Variants in CTNNA3 observed in about 807,000 individuals in gnomAD.
CTNNA3 encodes catenin alpha-3.
Under a neutral mutation model 95.7 loss-of-function variants are expected in CTNNA3, and 76 were observed. That is an observed-to-expected ratio of 0.79 (90% CI 0.66 to 0.96). CTNNA3 has a LOEUF of 0.96. Ranked by LOEUF, CTNNA3 falls within the 40% of genes least tolerant of loss-of-function variation. CTNNA3 has a pLI of 0.00. For synonymous variants in CTNNA3, 431 were observed against 374.4 expected (o/e 1.15, Z -1.74); for missense variants, 1,191 against 1,089.8 (o/e 1.09, Z -1.31).
At chr10:66,447,282 T>C (rs2093429848) in intron 11 of CTNNA3, among the ~76,000 whole-genome samples, 1 of 152,094 alleles carries the variant, frequency 6.6e-6, no homozygotes, top group South Asian at 2.1e-4. Flanking sequence ...GCCATCCTCA[T>C]CAAGCTACCA....
At chr10:66,808,962 T>G (rs1345487314) in intron 7 of CTNNA3, among the ~76,000 whole-genome samples, 1 of 152,212 alleles carries the variant, frequency 6.6e-6, no homozygotes, top group East Asian at 1.9e-4. Flanking sequence ...GAAACCAAAT[T>G]ATTTCTTGCA....
intron 4 of CTNNA3, among the ~76,000 whole-genome samples, chr10:67,522,676 A>T (rs1589386696): frequency 6.6e-6 from 1 of 151,402 alleles, no homozygotes; most frequent in African/African-American, 2.4e-5. Context: ...TTTAAATCAG[A>T]TACTAGATAA....
At chr10:67,327,460 C>T (rs887860591) in intron 5 of CTNNA3, among the ~76,000 whole-genome samples, 4 of 152,128 alleles carry the variant, frequency 2.6e-5, no homozygotes, top group Non-Finnish European at 4.4e-5. Flanking sequence ...GTGAATTCAG[C>T]TAACTGCCTT....
In CTNNA3 at chr10:66,093,915, T is replaced by C. The variant is rs74140952; in HGVS notation, c.1977+9242A>G. Among the ~76,000 whole-genome samples, 256 of 152,248 alleles carry C rather than the reference T, an allele frequency of 1.7e-3. 1 individual carries two copies. Among genetic ancestry groups the C allele is most frequent in the African/African-American group, 5.8e-3 (240 of 41,568 alleles). On this transcript the variant is annotated intron_variant, in intron 14 of 17. Transcript: ENST00000433211. Reference sequence around the variant, plus strand: ...ATTCACATATGAATCTCCTCTGTACTAAGTAGTGTCCTACGTTCTGCAAAT... The same window carrying C: ...ATTCACATATGAATCTCCTCTGTACCAAGTAGTGTCCTACGTTCTGCAAAT...
intron 7 of CTNNA3, among the ~76,000 whole-genome samples, chr10:67,113,313 C>T (rs1472552163): frequency 6.6e-6 from 1 of 151,924 alleles, no homozygotes; most frequent in Admixed American, 6.6e-5. Flanking sequence ...ACATCATGCC[C>T]ACGTACCATT....
chr10:65,933,912 T>C (rs754291963), intron 17 of CTNNA3, among the ~76,000 whole-genome samples: 15 of 152,178 alleles, frequency 9.9e-5, no homozygotes, highest in Non-Finnish European at 2.1e-4. Context: ...GGAAATCTGC[T>C]GGAGTGGTTC....
intron 1 of CTNNA3, among the ~76,000 whole-genome samples, chr10:67,757,027 T>C (rs895876047): frequency 5.3e-5 from 8 of 152,226 alleles, no homozygotes; most frequent in Non-Finnish European, 8.8e-5. Context: ...AAGATAATTA[T>C]CATATATTGA....
At chr10:66,253,843 A>T (rs915425492) in intron 13 of CTNNA3, among the ~76,000 whole-genome samples, 1 of 152,192 alleles carries the variant, frequency 6.6e-6, no homozygotes, top group African/African-American at 2.4e-5. Context: ...ATCTGGAGAT[A>T]TCAGAGAGTC....
rs1471479077 is a variant in CTNNA3 at position 66,180,686 on chromosome 10, C to T, written c.1885-77437G>A. On this transcript the variant is annotated intron_variant, in intron 13 of 17. Transcript: ENST00000433211. Reference sequence around the variant, plus strand: ...TGTTTTCATCCGCAATATGGCAGTGCTTATCAGTCTGAAAAGATTATTCTG... The same window carrying T: ...TGTTTTCATCCGCAATATGGCAGTGTTTATCAGTCTGAAAAGATTATTCTG... Among the ~76,000 whole-genome samples, 4 of 152,248 alleles carry T rather than the reference C, an allele frequency of 2.6e-5. No individual in the cohort carries two copies. In the East Asian group the frequency reaches 5.8e-4, roughly 22 times the overall value.
intron 11 of CTNNA3, among the ~76,000 whole-genome samples, chr10:66,422,227 C>T (rs1434659138): frequency 2.0e-5 from 3 of 152,000 alleles, no homozygotes; most frequent in Admixed American, 6.6e-5. Flanking sequence ...ATTTTTAATG[C>T]TGATCACAAA....
chr10:67,739,361 T>C lies in CTNNA3; in HGVS notation c.-2+24073A>G, dbSNP rs539615964. Reference sequence around the variant, plus strand: ...GTATTCAATTAGGAAAAGAGGAAGTTAAATTGTCCCTGTTTGCAGATGACA... The same window carrying C: ...GTATTCAATTAGGAAAAGAGGAAGTCAAATTGTCCCTGTTTGCAGATGACA... On this transcript the variant is annotated intron_variant, in intron 1 of 17. Transcript: ENST00000684154. 6.8e-3 allele frequency among the ~76,000 whole-genome samples: 1,036 copies of C among 152,092 alleles called. 6 individuals are homozygous for C. The highest frequency in any genetic ancestry group is 0.01 in the Middle Eastern group (3 of 294).
intron 12 of CTNNA3, among the ~76,000 whole-genome samples, chr10:66,319,523 AAC>A (rs2092152497): frequency 1.3e-5 from 2 of 152,132 alleles, no homozygotes; most frequent in Admixed American, 6.6e-5. Context: ...ACTTGTTTGC[AAC>A]ACTTTGCCTT....
intron 11 of CTNNA3, among the ~76,000 whole-genome samples, chr10:66,481,900 G>C (rs999095587): frequency 1.3e-5 from 2 of 152,030 alleles, no homozygotes; most frequent in Non-Finnish European, 2.9e-5. Context: ...CAGCAACACA[G>C]GTATTTGTAT....
chr10:67,171,576 A>T (rs1318145654), intron 7 of CTNNA3, among the ~76,000 whole-genome samples: 1 of 147,194 alleles, frequency 6.8e-6, no homozygotes, highest in East Asian at 2.0e-4. Flanking sequence ...CTCTGTCTCA[A>T]AAAAAAAAAA....
chr10:66,781,527 G>C (rs1554851622), intron 7 of CTNNA3, among the ~76,000 whole-genome samples: 1 of 152,168 alleles, frequency 6.6e-6, no homozygotes, highest in Non-Finnish European at 1.5e-5. Flanking sequence ...GATGGGGCAT[G>C]CTAAATGATC....
chr10:67,040,050 T>C (rs1257233194), intron 7 of CTNNA3, among the ~76,000 whole-genome samples: 1 of 152,078 alleles, frequency 6.6e-6, no homozygotes, highest in African/African-American at 2.4e-5. Context: ...TCCACACCCA[T>C]TCATCTCTCT....
chr10:67,684,139 C>T (rs935519717), intron 1 of CTNNA3, among the ~76,000 whole-genome samples: 54 of 152,246 alleles, frequency 3.5e-4, no homozygotes, highest in African/African-American at 1.2e-3. Context: ...TTTTACAGAG[C>T]GCTGATTGGT....
intron 11 of CTNNA3, among the ~76,000 whole-genome samples, chr10:66,510,956 G>A (rs1216660705): frequency 6.6e-6 from 1 of 151,612 alleles, no homozygotes; most frequent in African/African-American, 2.4e-5. Context: ...AATAGTTTGA[G>A]AAAAAATGGT....
chr10:65,936,769 C>T (rs569577118), intron 17 of CTNNA3, among the ~76,000 whole-genome samples: 1 of 152,094 alleles, frequency 6.6e-6, no homozygotes, highest in South Asian at 2.1e-4. Context: ...ATTTATTTAA[C>T]TTTTCTGGGC....
Sources: gnomAD v4.1 joint callset for allele counts (sites outside exome capture counted in the v4.1 genomes callset) on GRCh38, gnomAD v4.1.1 for gene constraint, MANE v1.5 for transcripts, NCBI Gene and HGNC (gene_info 2026-07-23, HGNC 2026-07-21) for gene names.